Variants in SUPT5H observed in about 807,000 individuals in gnomAD.
SUPT5H encodes the protein SPT5 homolog, DSIF elongation factor subunit.
A neutral mutation model predicts 142.5 loss-of-function variants in SUPT5H; 24 were observed. That is an observed-to-expected ratio of 0.17 (90% confidence interval 0.12 to 0.24). The LOEUF is 0.24. SUPT5H is among the 10% of genes least tolerant of loss of function. The probability of loss-of-function intolerance (pLI) is 1.00; values close to 1 mark genes in which losing one functional copy is unlikely to be tolerated. For missense variants in SUPT5H, 893 were observed against 1,471.8 expected (o/e 0.61, Z 6.43); for synonymous variants, 546 against 553.0 (o/e 0.99, Z 0.18).
rs950957916 is a variant in SUPT5H, at chr19:39,473,574, A to G, written c.2492+53A>G. On this transcript the variant is annotated intron_variant, in intron 25 of 29. Coordinates refer to ENST00000432763, the MANE Select transcript of SUPT5H (RefSeq NM_001111020.3). The surrounding 1 kb of genome is among the most constrained non-coding windows in gnomAD (Gnocchi z 5.8). ...TGTGTGCTGGTGTGTGTGAGGGATG[A>G]TGCTGGGTGTCTGGGGCATTGGAGG... The G allele has an allele frequency of 5.1e-6, 8 of 1,564,472 alleles. No homozygotes were observed. In the African/African-American group the frequency reaches 1.1e-4, roughly 21 times the overall value.
At chr19:39,448,283 G>T (rs933230458) in intron 2 of SUPT5H, among the ~76,000 whole-genome samples, 1 of 152,170 alleles carries the variant, frequency 6.6e-6, no homozygotes, top group Admixed American at 6.5e-5. Context: ...ACATTTGATT[G>T]CCAATCTTTA....
chr19:39,457,874 C>A (rs1488872073), intron 4 of SUPT5H, 134 bp downstream of exon 4: 33 of 1,458,070 alleles, frequency 2.3e-5, no homozygotes, highest in Non-Finnish European at 2.3e-5. Context: ...TCTTTCTGTC[C>A]TTCCCAGAGA....
At chr19:39,449,783 C>T (rs1277728709) in intron 2 of SUPT5H, among the ~76,000 whole-genome samples, 11 of 151,478 alleles carry the variant, frequency 7.3e-5, no homozygotes, top group South Asian at 2.1e-4. Flanking sequence ...GGGATTACAG[C>T]GGTGCGCCAC....
At position 39,472,317 on chromosome 19, in the gene SUPT5H, T is replaced by A. The variant is rs748649866; in HGVS notation, c.1951-92T>A. 7.6e-5 allele frequency: 96 copies of A among 1,259,434 alleles called. No individual in the cohort carries two copies. Among genetic ancestry groups the A allele is most frequent in the Non-Finnish European group, 8.0e-5 (70 of 871,796 alleles). 78.0% of individuals were successfully genotyped at this position (1,259,434 alleles called of 1,614,324 possible). ...CTGGGGTGTGGGTGGCTGGGTGGTC[T>A]CCTCAGGGCCCTGCACGTGGGATGA... On this transcript the variant is annotated intron_variant, in intron 20 of 29. Coordinates refer to ENST00000432763, the MANE Select transcript of SUPT5H (RefSeq NM_001111020.3). The surrounding 1 kb of genome is among the most constrained non-coding windows in gnomAD (Gnocchi z 4.2).
intron 18 of SUPT5H, among the ~76,000 whole-genome samples, chr19:39,471,075 G>A (rs183013308): frequency 1.3e-5 from 2 of 152,290 alleles, no homozygotes; most frequent in Admixed American, 6.5e-5. Flanking sequence ...GATGAACAAT[G>A]TTGCTATCAG....
chr19:39,458,337 T>C lies in SUPT5H; in HGVS notation c.319+32T>C. On this transcript the variant is annotated intron_variant, in intron 5 of 29. Transcript: ENST00000432763. The surrounding 1 kb of genome is among the most constrained non-coding windows in gnomAD (Gnocchi z 4.2). ...ATATGAAAAGTGTGATTCCCTGACCTTCCTCCCATATCCTGACATTTCCTC... is the reference window on the plus strand; with the variant it reads ...ATATGAAAAGTGTGATTCCCTGACCCTCCTCCCATATCCTGACATTTCCTC... The C allele has an allele frequency of 2.1e-6, 3 of 1,396,726 alleles. No homozygotes were observed. The South Asian group carries it at 3.4e-5, about 16-fold the overall frequency. The allele number at this position is 1,396,726 out of a possible 1,614,324, so 86.5% of individuals were successfully genotyped here. A position where few individuals can be genotyped will look rare whatever the true frequency, so the allele number is the denominator to read the frequency against.
Position 39,474,674 on chromosome 19 carries a change from G to T in SUPT5H, c.2980G>T (p.Asp994Tyr). ...GGTGAAGGTGCGGGACACCTACCTG[G>T]ATACACAGGTGGTGGGACAGACAGG... ...IQVKVRDTYL[D>Y]TQVVGQTGVI... The change falls in exon 28 of 30, where the codon GAT becomes TAT. Residue 994 changes from aspartate (D) to tyrosine (Y), a missense_variant. By Grantham distance (160) the Asp-to-Tyr change is radical. This residue lies in a region of SUPT5H where 336 missense variants were observed against 546.5 expected (regional missense o/e 0.61). Coordinates refer to ENST00000432763, the MANE Select transcript of SUPT5H (RefSeq NM_001111020.3). The surrounding 1 kb of genome is among the most constrained non-coding windows in gnomAD (Gnocchi z 6.5). 1 of 1,613,976 alleles carries T rather than the reference G, an allele frequency of 6.2e-7. No individual in the cohort carries two copies. The highest frequency in any genetic ancestry group is 8.5e-7 in the Non-Finnish European group (1 of 1,179,964).
chr19:39,476,406 C>T lies in SUPT5H; in HGVS notation c.*7C>T. On this transcript the variant is annotated 3_prime_UTR_variant, in exon 30 of 30. Transcript: ENST00000432763. ...GAAGCTCCTGGAAGCCTGAAGCAGG[C>T]AGGGCCGGTGGACTTCGTCGGATGA... is the stretch of plus-strand genomic sequence containing the variant. 3 of 1,613,982 alleles carry T rather than the reference C, an allele frequency of 1.9e-6. No individual in the cohort carries two copies. The highest frequency in any genetic ancestry group is 1.7e-5 in the Admixed American group (1 of 60,018).
intron 3 of SUPT5H, among the ~76,000 whole-genome samples, chr19:39,457,143 C>A (rs1165241782): frequency 6.6e-6 from 1 of 152,192 alleles, no homozygotes; most frequent in African/African-American, 2.4e-5. Context: ...AGTCTGTGGG[C>A]AAGTTCCTTA....
At chr19:39,455,275 G>A (rs964197275) in intron 3 of SUPT5H, among the ~76,000 whole-genome samples, 11 of 152,070 alleles carry the variant, frequency 7.2e-5, no homozygotes, top group East Asian at 1.9e-4. Flanking sequence ...AAAAAATTAC[G>A]TGGGGGCTGG....
rs777261172 is a variant in SUPT5H at position 39,453,384 on chromosome 19, G to A, written c.104G>A (p.Gly35Asp). Residue 35 changes from glycine to aspartate, a missense_variant, in exon 3 of 30, where the codon GGC becomes GAC. Physicochemically the swap from Gly to Asp is moderately conservative, Grantham distance 94. This residue lies in a region of SUPT5H where 70 missense variants were observed against 70.5 expected (regional missense o/e 0.99). Transcript: ENST00000432763. ...GACGAAGAGCGGCGGAGTGCAGCGG[G>A]CAGTGAGAAAGAAGAAGAGCCTGAG... ...EVDEERRSAA[G>D]SEKEEEPEDE... The A allele has an allele frequency of 7.5e-6, 12 of 1,604,090 alleles. No homozygotes were observed. The highest frequency in any genetic ancestry group is 8.5e-6 in the Non-Finnish European group (10 of 1,174,806).
rs757652203 is a variant in SUPT5H at position 39,453,412 on chromosome 19, CGAAGAGGAGGAG to C, written c.148_159del (p.Glu50_Glu53del). The stretch of plus-strand genomic sequence containing the variant: ...GTGAGAAAGAAGAAGAGCCTGAGGA[CGAAGAGGAGGAG>C]GAAGAGGAGGAGGAATACGATGAGG... On this transcript the variant is annotated inframe_deletion, in exon 3 of 30. Coordinates refer to ENST00000432763, the MANE Select transcript of SUPT5H (RefSeq NM_001111020.3). The C allele has an allele frequency of 3.5e-5, 56 of 1,590,922 alleles. No individual in the cohort carries two copies. The highest frequency in any genetic ancestry group is 1.7e-4 in the Middle Eastern group (1 of 6,022).
chr19:39,455,247 G>C (rs2079072336), intron 3 of SUPT5H, among the ~76,000 whole-genome samples: 2 of 152,080 alleles, frequency 1.3e-5, no homozygotes. Flanking sequence ...AAAAAGAAAG[G>C]TACAGAACGG....
rs1255297797 is a variant in SUPT5H, at chr19:39,474,281, G to T, written c.2699G>T (p.Gly900Val). The change falls in exon 27 of 30, where the codon GGT (glycine) becomes GTT (valine). Residue 900 changes from glycine (G) to valine (V), a missense_variant. Coordinates refer to ENST00000432763, the MANE Select transcript of SUPT5H (RefSeq NM_001111020.3). The surrounding 1 kb of genome is among the most constrained non-coding windows in gnomAD (Gnocchi z 6.5). The part of the protein sequence containing the change: ...FSPYAAPSPQ[G>V]SYQPSPSPQS... ...CCCTATGCTGCCCCCTCCCCACAAG[G>T]TTCCTACCAGCCCAGCCCCAGCCCC... 1.2e-6 allele frequency: 2 copies of T among 1,613,768 alleles called. No homozygotes were observed. Among genetic ancestry groups the T allele is most frequent in the African/African-American group, 1.3e-5 (1 of 74,884 alleles).
intron 13 of SUPT5H, chr19:39,467,426 T>C (rs538472871): frequency 6.6e-6 from 1 of 152,352 alleles, no homozygotes; most frequent in South Asian, 2.1e-4. Context: ...TTATAGATTA[T>C]AGTGAGAATT....
rs1279300929 is a variant in SUPT5H, at chr19:39,458,090, A to G, written c.308-204A>G. ...CGTTATTTTCCGTTCTGTGCGCCTC[A>G]TACATTTCGGCTTCTCCCCAACCAC... On this transcript the variant is annotated intron_variant, in intron 4 of 29. Transcript: ENST00000432763. This position sits in a 1 kb window ranked among gnomAD's most constrained non-coding sequence, Gnocchi z 4.2. 1 of 874,632 alleles carries G rather than the reference A, an allele frequency of 1.1e-6. No individual in the cohort carries two copies. The highest frequency in any genetic ancestry group is 2.7e-5 in the Admixed American group (1 of 37,282). The allele number at this position is 874,632 out of a possible 1,614,324, so 54.2% of individuals were successfully genotyped here.
At chr19:39,446,066 C>A in intron 2 of SUPT5H, 101 bp downstream of exon 2, 2 of 1,225,284 alleles carry the variant, frequency 1.6e-6, no homozygotes, top group Non-Finnish European at 2.3e-6. Context: ...CGGGCTCTGG[C>A]TTCTGGGAAC....
chr19:39,447,179 A>G (rs1485447081), intron 2 of SUPT5H, among the ~76,000 whole-genome samples: 1 of 152,174 alleles, frequency 6.6e-6, no homozygotes, highest in Non-Finnish European at 1.5e-5. Flanking sequence ...ACCCCCTAAA[A>G]AAAGGGGGTC....
At chr19:39,446,391 T>C (rs772006039) in intron 2 of SUPT5H, among the ~76,000 whole-genome samples, 2 of 152,198 alleles carry the variant, frequency 1.3e-5, no homozygotes, top group Non-Finnish European at 2.9e-5. Flanking sequence ...ATAAACTATA[T>C]AGTAAGCTGG....
Sources: allele counts gnomAD v4.1 joint callset (sites outside exome capture counted in the v4.1 genomes callset), GRCh38; gene constraint gnomAD v4.1.1; regional missense constraint gnomAD v4.1.1; non-coding constraint Gnocchi (gnomAD v3.1); transcripts MANE v1.5; gene names NCBI Gene and HGNC (gene_info 2026-07-23, HGNC 2026-07-21).